Variants in TRAPPC9 observed in about 807,000 individuals in gnomAD.
The protein encoded by TRAPPC9 is IKK2 binding protein.
In TRAPPC9, 83 loss-of-function variants were observed where a neutral mutation model predicts 124.0. That is an observed-to-expected ratio of 0.67 (90% CI 0.56 to 0.80). The LOEUF (loss-of-function observed/expected upper bound fraction) is 0.80. TRAPPC9 is among the 30% of genes least tolerant of loss of function. The probability of loss-of-function intolerance (pLI) is 0.00; values close to 1 mark genes in which losing one functional copy is unlikely to be tolerated. For synonymous variants in TRAPPC9, 638 were observed against 617.5 expected (o/e 1.03, Z -0.49); for missense variants, 1,302 against 1,508.3 (o/e 0.86, Z 2.27).
intron 18 of TRAPPC9, among the ~76,000 whole-genome samples, chr8:139,997,873 CCACACAGGGGAGACAA>C (rs1370245834): frequency 0.5 from 67,404 of 134,548 alleles, 26,257 homozygotes; most frequent in South Asian, 0.64. Context: ...ACAATGCATC[CCACACAGGGGAGACAA>C]TGCATCCCAC....
intron 21 of TRAPPC9, among the ~76,000 whole-genome samples, chr8:139,757,168 A>G (rs1819889531): frequency 7.8e-6 from 1 of 127,874 alleles, no homozygotes; most frequent in Admixed American, 7.9e-5. Context: ...AGGAGGAGCC[A>G]GGGTTTAGGG....
intron 15 of TRAPPC9, among the ~76,000 whole-genome samples, chr8:140,268,046 G>C (rs948546415): frequency 1.3e-5 from 2 of 151,986 alleles, no homozygotes; most frequent in African/African-American, 4.8e-5. Context: ...CCCAAAGAAG[G>C]GGGTTTTTCA....
chr8:140,305,380 A>C (rs1458148112), intron 10 of TRAPPC9, among the ~76,000 whole-genome samples: 1 of 152,054 alleles, frequency 6.6e-6, no homozygotes, highest in Non-Finnish European at 1.5e-5. Context: ...CGCTCACTGC[A>C]ACCTCCGCCT....
intron 21 of TRAPPC9, among the ~76,000 whole-genome samples, chr8:139,854,092 G>C (rs991497816): frequency 7.9e-5 from 12 of 152,114 alleles, no homozygotes; most frequent in African/African-American, 2.9e-4. Flanking sequence ...ATCTGACCAC[G>C]TTTTTGCCTT....
intron 21 of TRAPPC9, among the ~76,000 whole-genome samples, chr8:139,787,924 C>T (rs552620409): frequency 1.2e-4 from 19 of 152,142 alleles, no homozygotes; most frequent in East Asian, 3.9e-4. Context: ...AGGACCAAAT[C>T]GGGTGGGGGC....
intron 17 of TRAPPC9, among the ~76,000 whole-genome samples, chr8:140,205,836 C>CA (rs1156528634): frequency 6.6e-6 from 1 of 152,208 alleles, no homozygotes; most frequent in African/African-American, 2.4e-5. Context: ...CTTGTCCTTT[C>CA]ACCTCACTCT....
chr8:139,892,485 G>C (rs973957558), intron 20 of TRAPPC9, among the ~76,000 whole-genome samples: 2 of 152,232 alleles, frequency 1.3e-5, no homozygotes, highest in Non-Finnish European at 2.9e-5. Context: ...AGAGACACAG[G>C]AGAAAATGTG....
intron 21 of TRAPPC9, among the ~76,000 whole-genome samples, chr8:139,778,193 A>G (rs2319433): frequency 1.3e-5 from 2 of 152,310 alleles, no homozygotes; most frequent in East Asian, 3.9e-4. Flanking sequence ...ATCAGAATTC[A>G]TAAGGCATTA....
At chr8:140,149,240 G>A (rs1004028530) in intron 17 of TRAPPC9, among the ~76,000 whole-genome samples, 2 of 152,100 alleles carry the variant, frequency 1.3e-5, no homozygotes, top group Non-Finnish European at 2.9e-5. Flanking sequence ...TGGTCAGCAC[G>A]GGCCTAGAAG....
intron 17 of TRAPPC9, chr8:140,100,573 T>C (rs1339969156): frequency 6.6e-6 from 1 of 152,670 alleles, no homozygotes; most frequent in Non-Finnish European, 1.5e-5. Flanking sequence ...ACACCCCTGG[T>C]CGTACGTTCG....
intron 21 of TRAPPC9, among the ~76,000 whole-genome samples, chr8:139,873,896 A>G (rs1274380119): frequency 6.6e-6 from 1 of 152,190 alleles, no homozygotes; most frequent in African/African-American, 2.4e-5. Context: ...ATGGTGCCAC[A>G]TTCTGTGCTG....
In TRAPPC9 at chr8:139,986,099, C is replaced by T. The variant is rs542325939; in HGVS notation, c.2810+2627G>A. 1.7e-3 allele frequency among the ~76,000 whole-genome samples: 263 copies of T among 152,098 alleles called. 2 individuals carry two copies. The highest frequency in any genetic ancestry group is 3.1e-3 in the Non-Finnish European group (208 of 67,988). ...CTCTACTAAAAATACAAAAATTAGC[C>T]GGGCGTGGTGGCAGGTGTCTGTAAT... is the stretch of plus-strand genomic sequence containing the variant. On this transcript the variant is annotated intron_variant, in intron 19 of 22. Transcript: ENST00000438773.
rs1235970813 is a variant in TRAPPC9, at chr8:140,063,900, C to T, written c.2557-39821G>A. Among the ~76,000 whole-genome samples the T allele has an allele frequency of 2.0e-5, 3 of 152,104 alleles. No homozygotes were observed. The East Asian group carries it at 5.8e-4, about 29-fold the overall frequency. ...CAAGGCACACGGGTGGCCCTGCCTCCCGAAACATGCTGGCCCCTGCTCTGC... is the reference window on the plus strand; with the variant it reads ...CAAGGCACACGGGTGGCCCTGCCTCTCGAAACATGCTGGCCCCTGCTCTGC... On this transcript the variant is annotated intron_variant, in intron 17 of 22. Transcript: ENST00000438773. The surrounding 1 kb of genome is among the most constrained non-coding windows in gnomAD (Gnocchi z 4.3).
At chr8:140,411,080 A>G (rs957145547) in intron 5 of TRAPPC9, among the ~76,000 whole-genome samples, 1 of 152,130 alleles carries the variant, frequency 6.6e-6, no homozygotes, top group African/African-American at 2.4e-5. Flanking sequence ...TATCATGACC[A>G]AGGATAAATA....
chr8:140,015,605 T>C (rs1485834101), intron 18 of TRAPPC9, among the ~76,000 whole-genome samples: 2 of 151,610 alleles, frequency 1.3e-5, no homozygotes, highest in African/African-American at 4.9e-5. Context: ...CCTGGGCAAC[T>C]TGGTGAAACC....
At chr8:140,444,508 C>T (rs2071167858) in intron 2 of TRAPPC9, among the ~76,000 whole-genome samples, 1 of 152,040 alleles carries the variant, frequency 6.6e-6, no homozygotes, top group African/African-American at 2.4e-5. Flanking sequence ...CAGCCCCACC[C>T]CCAGTACCTT....
At chr8:140,415,816 A>G (rs984004239) in intron 5 of TRAPPC9, among the ~76,000 whole-genome samples, 3 of 152,062 alleles carry the variant, frequency 2.0e-5, no homozygotes, top group Non-Finnish European at 4.4e-5. Flanking sequence ...AAAAATTTAA[A>G]AAGTAGGCAG....
At chr8:139,973,632 T>C (rs760180834) in intron 19 of TRAPPC9, among the ~76,000 whole-genome samples, 1 of 152,176 alleles carries the variant, frequency 6.6e-6, no homozygotes, top group South Asian at 2.1e-4. Flanking sequence ...TGAACAAAAG[T>C]AGTTTCCGGC....
rs544251518 is a variant in TRAPPC9 at position 140,085,740 on chromosome 8, A to G, written c.2557-61661T>C. Among the ~76,000 whole-genome samples, 55 of 152,366 alleles carry G rather than the reference A, an allele frequency of 3.6e-4. No individual in the cohort carries two copies. The East Asian group carries it at 9.8e-3, about 27-fold the overall frequency. ...CTGAGGTCCACGCCACCCTGCCCCT[A>G]CAAAAGCAGATGACAGCCTCTGCTG... On this transcript the variant is annotated intron_variant, in intron 17 of 22. Transcript: ENST00000438773.
Sources: allele counts gnomAD v4.1 joint callset (sites outside exome capture counted in the v4.1 genomes callset), GRCh38; gene constraint gnomAD v4.1.1; non-coding constraint Gnocchi (gnomAD v3.1); transcripts MANE v1.5; gene names NCBI Gene and HGNC (gene_info 2026-07-23, HGNC 2026-07-21).